Variants in PDGFRL observed in about 807,000 individuals in gnomAD.
PDGFRL encodes the protein platelet-derived growth factor receptor-like protein.
PDGFRL carries 46 observed loss-of-function variants against 37.2 expected under a neutral mutation model. The observed-to-expected ratio is 1.24, with a 90% CI of 0.98 to 1.58. PDGFRL has a LOEUF of 1.58. PDGFRL is among the 40% of genes most tolerant of loss of function. The pLI is 0.00. For missense variants in PDGFRL, 692 were observed against 467.6 expected (o/e 1.48, Z -4.43); for synonymous variants, 251 against 184.3 (o/e 1.36, Z -2.93).
At position 17,587,629 on chromosome 8, in the gene PDGFRL, G is replaced by A. The variant is rs528065578; in HGVS notation, c.56-1839G>A. Among the ~76,000 whole-genome samples the A allele has an allele frequency of 2.8e-3, 419 of 151,920 alleles. 2 individuals are homozygous for A. Among genetic ancestry groups the A allele is most frequent in the Middle Eastern group, 6.8e-3 (2 of 294 alleles). On this transcript the variant is annotated intron_variant, in intron 1 of 5. Transcript: ENST00000251630. The stretch of plus-strand genomic sequence containing the variant: ...TACAATCATAGCTCATCATAAACTC[G>A]GACTTGTGGGCTCAAGTCTCGGTCT...
At chr8:17,610,967 G>T (rs1804398754) in intron 2 of PDGFRL, among the ~76,000 whole-genome samples, 2 of 152,212 alleles carry the variant, frequency 1.3e-5, no homozygotes, top group Admixed American at 1.3e-4. Context: ...TTCTCTACAT[G>T]GTGAGTGCCT....
At chr8:17,637,387 C>T (rs1040390717) in intron 5 of PDGFRL, among the ~76,000 whole-genome samples, 12 of 151,980 alleles carry the variant, frequency 7.9e-5, no homozygotes. Flanking sequence ...CCATTAATGT[C>T]TTGTGTATGT....
chr8:17,632,031 C>G (rs1271363660), intron 4 of PDGFRL, among the ~76,000 whole-genome samples: 1 of 152,210 alleles, frequency 6.6e-6, no homozygotes, highest in Non-Finnish European at 1.5e-5. Flanking sequence ...GTCCTCCATC[C>G]TCCGCGTGCC....
At chr8:17,641,293 C>A (rs1429197199) in intron 5 of PDGFRL, among the ~76,000 whole-genome samples, 1 of 152,196 alleles carries the variant, frequency 6.6e-6, no homozygotes, top group African/African-American at 2.4e-5. Flanking sequence ...CCCCCTCACC[C>A]GAGTTCTGTC....
intron 2 of PDGFRL, among the ~76,000 whole-genome samples, chr8:17,608,405 C>A (rs758169454): frequency 6.6e-6 from 1 of 152,142 alleles, no homozygotes; most frequent in Non-Finnish European, 1.5e-5. Context: ...AACATTGATA[C>A]AAGTGAATCA....
chr8:17,609,261 C>T (rs1804352111), intron 2 of PDGFRL, among the ~76,000 whole-genome samples: 1 of 151,804 alleles, frequency 6.6e-6, no homozygotes, highest in African/African-American at 2.4e-5. Context: ...AATGCCACCA[C>T]TTTGGGTGGC....
chr8:17,589,741 A>G lies in PDGFRL; in HGVS notation c.329A>G (p.Asp110Gly). The G allele has an allele frequency of 6.2e-7, 1 of 1,611,358 alleles. No homozygotes were observed. Among genetic ancestry groups the G allele is most frequent in the Non-Finnish European group, 8.5e-7 (1 of 1,178,178 alleles). Residue 110 changes from aspartate (D) to glycine (G), a missense_variant, in exon 2 of 6, where the codon GAC becomes GGC. By Grantham distance (94) the Asp-to-Gly change is moderately conservative (BLOSUM62 -1). Coordinates refer to ENST00000251630, the MANE Select transcript of PDGFRL (RefSeq NM_001372073.1). The part of the protein sequence containing the change: ...RIGWSYPAYL[D>G]TFKDSRLSVK... ...GGGTGGAGCTACCCTGCGTATCTGG[A>G]CACCTTTAAGGATTCTCGCCTCAGG...
At chr8:17,633,683 A>T (rs1407024769) in intron 4 of PDGFRL, among the ~76,000 whole-genome samples, 5 of 152,184 alleles carry the variant, frequency 3.3e-5, no homozygotes, top group Non-Finnish European at 7.3e-5. Context: ...GCGGATGGTC[A>T]GCCACACACC....
At chr8:17,603,077 G>C (rs1181921609) in intron 2 of PDGFRL, among the ~76,000 whole-genome samples, 1 of 152,144 alleles carries the variant, frequency 6.6e-6, no homozygotes, top group Non-Finnish European at 1.5e-5. Flanking sequence ...CTGCCTCCTG[G>C]GTTCAGGTGA....
At chr8:17,635,580 G>C (rs913734260) in intron 5 of PDGFRL, among the ~76,000 whole-genome samples, 1 of 152,152 alleles carries the variant, frequency 6.6e-6, no homozygotes, top group African/African-American at 2.4e-5. Flanking sequence ...TTGTACTGCT[G>C]TAAACATGTG....
At chr8:17,603,335 A>C (rs1393134506) in intron 2 of PDGFRL, among the ~76,000 whole-genome samples, 1 of 152,200 alleles carries the variant, frequency 6.6e-6, no homozygotes, top group Non-Finnish European at 1.5e-5. Context: ...AAGTGTATGT[A>C]CCCACACAGG....
intron 2 of PDGFRL, among the ~76,000 whole-genome samples, chr8:17,597,070 G>C (rs1474257329): frequency 2.6e-5 from 4 of 152,172 alleles, no homozygotes; most frequent in African/African-American, 7.2e-5. Context: ...GCCTAGGTTG[G>C]CGTGCAGTGG....
intron 3 of PDGFRL, among the ~76,000 whole-genome samples, chr8:17,621,821 G>T (rs1396058202): frequency 6.6e-6 from 1 of 152,028 alleles, no homozygotes; most frequent in Non-Finnish European, 1.5e-5. Context: ...CCTCCCATTT[G>T]TCCTTTTTAT....
chr8:17,579,710 C>T (rs191382414), intron 1 of PDGFRL, among the ~76,000 whole-genome samples: 15 of 152,104 alleles, frequency 9.9e-5, no homozygotes, highest in African/African-American at 3.6e-4. Context: ...AAAGACTTCC[C>T]TGCAAGTGTG....
Position 17,578,425 on chromosome 8 carries a change from G to A in PDGFRL, c.55+1118G>A, listed in dbSNP as rs558197329. Among the ~76,000 whole-genome samples the A allele has an allele frequency of 2.6e-5, 4 of 152,260 alleles. No individual in the cohort carries two copies. In the South Asian group the frequency reaches 6.2e-4, roughly 24 times the overall value. ...GTGGTACTTGAAGTTGAGCATGAGG[G>A]TCCTTCAGCCTAGAGCTTTGCTTAA... is the stretch of plus-strand genomic sequence containing the variant. On this transcript the variant is annotated intron_variant, in intron 1 of 5. Coordinates refer to ENST00000251630, the MANE Select transcript of PDGFRL (RefSeq NM_001372073.1).
At chr8:17,616,218 G>C (rs1804524192) in intron 2 of PDGFRL, among the ~76,000 whole-genome samples, 2 of 143,092 alleles carry the variant, frequency 1.4e-5, no homozygotes, top group South Asian at 2.3e-4. Context: ...ATTTCTGAGA[G>C]GGAGCCTTGC....
chr8:17,638,328 T>G (rs1375785115), intron 5 of PDGFRL, among the ~76,000 whole-genome samples: 1 of 152,164 alleles, frequency 6.6e-6, no homozygotes, highest in Non-Finnish European at 1.5e-5. Flanking sequence ...AGCAGGTTAT[T>G]TAATTTCCAT....
chr8:17,576,820 A>G, upstream of PDGFRL: 1 of 407,586 alleles, frequency 2.5e-6, no homozygotes. Context: ...AGCACTTTTT[A>G]CAGAGCACTC....
At chr8:17,636,704 G>A (rs866203618) in intron 5 of PDGFRL, among the ~76,000 whole-genome samples, 10 of 152,194 alleles carry the variant, frequency 6.6e-5, no homozygotes, top group East Asian at 1.9e-4. Context: ...ATTGCTTTTC[G>A]CAGTATGGTC....
Sources: gnomAD v4.1 joint callset for allele counts (sites outside exome capture counted in the v4.1 genomes callset) on GRCh38, gnomAD v4.1.1 for gene constraint, MANE v1.5 for transcripts, NCBI Gene and HGNC (gene_info 2026-07-23, HGNC 2026-07-21) for gene names.